ZNF362: variants seen among roughly 807,000 people sequenced by gnomAD.
The protein encoded by ZNF362 is rotund homolog.
Under a neutral mutation model 42.9 loss-of-function variants are expected in ZNF362, and 11 were observed. The ratio of observed to expected loss-of-function variants is 0.26; its 90% CI spans 0.16 to 0.42. The LOEUF is 0.42. Among genes scored for constraint, ZNF362 ranks in the 20% least tolerant of loss-of-function variants. The probability of loss-of-function intolerance (pLI) is 1.00; values close to 1 mark genes in which losing one functional copy is unlikely to be tolerated. For missense variants in ZNF362, 362 were observed against 576.2 expected (o/e 0.63, Z 3.81); for synonymous variants, 255 against 257.3 (o/e 0.99, Z 0.09).
chr1:33,151,704 C>G, the ZNF362 span, among the ~76,000 whole-genome samples: 1 of 152,216 alleles, frequency 6.6e-6, no homozygotes, highest in East Asian at 1.9e-4. Flanking sequence ...GGCAGCCCGT[C>G]TGGTCTCCAG....
At position 33,281,758 on chromosome 1, in the gene ZNF362, C is replaced by T. The variant is rs564756843; in HGVS notation, c.855C>T (p.Cys285=). Residue 285 remains cysteine (C), a synonymous_variant, in exon 6 of 9, where the codon TGC becomes TGT. Coordinates refer to ENST00000539719, the MANE Select transcript of ZNF362 (RefSeq NM_152493.3). This position sits in a 1 kb window ranked among gnomAD's most constrained non-coding sequence, Gnocchi z 4.8. ...ACCTGGGCGTCAAGCCCTACCACTGCTCCTACTGTGATAAGTCCTTCCGGC... is the reference window on the plus strand; with the variant it reads ...ACCTGGGCGTCAAGCCCTACCACTGTTCCTACTGTGATAAGTCCTTCCGGC... ...RIHLGVKPYH[C]SYCDKSFRQL... The T allele has an allele frequency of 7.4e-6, 12 of 1,614,270 alleles. No homozygotes were observed. The Admixed American group carries it at 2.0e-4, about 27-fold the overall frequency.
chr1:33,222,716 C>T, the ZNF362 span, among the ~76,000 whole-genome samples: 2 of 152,194 alleles, frequency 1.3e-5, no homozygotes, highest in Non-Finnish European at 2.9e-5. Context: ...GAAGAACCTA[C>T]ATCTTCACAT....
the ZNF362 span, chr1:33,159,998 C>T: frequency 6.3e-7 from 1 of 1,576,062 alleles, no homozygotes; most frequent in South Asian, 1.1e-5. The surrounding 1 kb of genome is among the most constrained non-coding windows in gnomAD (Gnocchi z 4.2). Context: ...GGGGTGATCT[C>T]TGGGTGAGAG....
the ZNF362 span, among the ~76,000 whole-genome samples, chr1:33,211,859 C>G: frequency 2.6e-4 from 39 of 152,252 alleles, no homozygotes; most frequent in Non-Finnish European, 4.4e-4. Context: ...CTCCCCATCA[C>G]TTTCAGGTAC....
the ZNF362 span, among the ~76,000 whole-genome samples, chr1:33,215,969 G>A: frequency 3.6e-4 from 55 of 151,608 alleles, no homozygotes; most frequent in African/African-American, 1.3e-3. Flanking sequence ...CTAAACCTTG[G>A]GCTAATAATT....
At chr1:33,250,874 G>GAAGAA in the ZNF362 span, among the ~76,000 whole-genome samples, 1 of 151,672 alleles carries the variant, frequency 6.6e-6, no homozygotes, top group Non-Finnish European at 1.5e-5. Context: ...AGAAGAAGAA[G>GAAGAA]AAGAAGAAGA....
chr1:33,133,857 G>T, the ZNF362 span, among the ~76,000 whole-genome samples: 1 of 152,220 alleles, frequency 6.6e-6, no homozygotes, highest in African/African-American at 2.4e-5. Context: ...TTCCCCTAGT[G>T]TTTGGCACTT....
chr1:33,189,973 A>G, the ZNF362 span, among the ~76,000 whole-genome samples: 6 of 151,818 alleles, frequency 4.0e-5, no homozygotes, highest in Non-Finnish European at 7.4e-5. Context: ...CCTTACTTTA[A>G]CAGGAGGGCT....
chr1:33,129,071 C>CCAGGGCACTGGCGTGTA, the ZNF362 span, among the ~76,000 whole-genome samples: 1 of 152,098 alleles, frequency 6.6e-6, no homozygotes, highest in African/African-American at 2.4e-5. This position sits in a 1 kb window ranked among gnomAD's most constrained non-coding sequence, Gnocchi z 4.1. Context: ...GCATTCCAGA[C>CCAGGGCACTGGCGTGTA]CAGGGCACTG....
chr1:33,256,858 C>T (rs1468599103), intron 1 of ZNF362, among the ~76,000 whole-genome samples: 1 of 148,572 alleles, frequency 6.7e-6, no homozygotes, highest in Non-Finnish European at 1.5e-5. Flanking sequence ...GCGGGGCGCG[C>T]GGGGTAGGAA....
At chr1:33,132,221 A>G in the ZNF362 span, among the ~76,000 whole-genome samples, 2 of 152,190 alleles carry the variant, frequency 1.3e-5, no homozygotes, top group Non-Finnish European at 2.9e-5. Context: ...TCCAGCCACT[A>G]TGTTCCCTAA....
the ZNF362 span, among the ~76,000 whole-genome samples, chr1:33,197,638 G>C: frequency 6.6e-6 from 1 of 152,172 alleles, no homozygotes; most frequent in Non-Finnish European, 1.5e-5. Context: ...CCTAGAAAGA[G>C]TTTCCAGGCC....
the ZNF362 span, chr1:33,141,948 T>C: frequency 6.5e-6 from 1 of 153,072 alleles, no homozygotes; most frequent in African/African-American, 2.4e-5. Flanking sequence ...ATAAAAGTAC[T>C]TCCCCCCTCC....
At chr1:33,141,687 G>A in the ZNF362 span, among the ~76,000 whole-genome samples, 1 of 152,124 alleles carries the variant, frequency 6.6e-6, no homozygotes, top group African/African-American at 2.4e-5. Flanking sequence ...GGAGGGGGGA[G>A]CATTTTGTAA....
At chr1:33,224,786 C>A in the ZNF362 span, among the ~76,000 whole-genome samples, 2 of 152,046 alleles carry the variant, frequency 1.3e-5, no homozygotes, top group Non-Finnish European at 2.9e-5. Flanking sequence ...GATATCAAGT[C>A]ATAAGATGCA....
At chr1:33,250,573 A>C in the ZNF362 span, among the ~76,000 whole-genome samples, 2 of 152,078 alleles carry the variant, frequency 1.3e-5, no homozygotes, top group African/African-American at 4.8e-5. Context: ...AGCAACACAT[A>C]CTGGGGCCTA....
the ZNF362 span, chr1:33,165,476 T>C: frequency 6.2e-7 from 1 of 1,601,708 alleles, no homozygotes; most frequent in Non-Finnish European, 8.5e-7. The surrounding 1 kb of genome is among the most constrained non-coding windows in gnomAD (Gnocchi z 4.0). Context: ...CTCACCTTGG[T>C]CTCCGCCAGT....
At chr1:33,211,613 T>C in the ZNF362 span, among the ~76,000 whole-genome samples, 1 of 152,206 alleles carries the variant, frequency 6.6e-6, no homozygotes, top group African/African-American at 2.4e-5. Context: ...TCTGCTAGTC[T>C]GATGGGCTTC....
the ZNF362 span, among the ~76,000 whole-genome samples, chr1:33,144,361 C>T: frequency 6.6e-6 from 1 of 152,222 alleles, no homozygotes; most frequent in South Asian, 2.1e-4. Flanking sequence ...CGGTTTTGAA[C>T]TCCCAACCTC....
Sources: gnomAD v4.1 joint callset for allele counts (sites outside exome capture counted in the v4.1 genomes callset) on GRCh38, gnomAD v4.1.1 for gene constraint, Gnocchi (gnomAD v3.1) non-coding constraint, MANE v1.5 for transcripts, NCBI Gene and HGNC (gene_info 2026-07-23, HGNC 2026-07-21) for gene names.